Variants in CDCA4 observed in about 807,000 individuals in gnomAD.
CDCA4 encodes the protein cell division cycle-associated protein 4.
For missense variants in CDCA4, 294 were observed against 322.1 expected (o/e 0.91, Z 0.67); for synonymous variants, 130 against 137.0 (o/e 0.95, Z 0.36).
In CDCA4 at chr14:105,011,555, T is replaced by C; in HGVS notation, c.375A>G (p.Pro125=). Residue 125 remains proline, a synonymous_variant, in exon 2 of 2, where the codon CCA becomes CCG. Transcript: ENST00000336219. ...PGLGDGHTQG[P]VSDLCPVTSA... Reference sequence around the variant, plus strand: ...AGGTGACTGGGCAAAGGTCAGAAACTGGACCCTGTGTGTGGCCGTCCCCCA... The same window carrying C: ...AGGTGACTGGGCAAAGGTCAGAAACCGGACCCTGTGTGTGGCCGTCCCCCA... 2 of 1,614,092 alleles carry C rather than the reference T, an allele frequency of 1.2e-6. No homozygotes were observed. Among genetic ancestry groups the C allele is most frequent in the Non-Finnish European group, 1.7e-6 (2 of 1,179,994 alleles).
chr14:105,011,969 C>T (rs748028645), intron 1 of CDCA4, 34 bp from the exon 2 acceptor site: 16 of 1,563,306 alleles, frequency 1.0e-5, no homozygotes, highest in Admixed American at 8.9e-5. Flanking sequence ...ACTTAGCACA[C>T]GGCAGACTCT....
At chr14:105,012,071 T>G (rs111738285) in intron 1 of CDCA4, 136 bp from the exon 2 acceptor site, 1 of 1,001,448 alleles carries the variant, frequency 1.0e-6, no homozygotes, top group Non-Finnish European at 1.4e-6. Context: ...GACAGAGCTG[T>G]AACTCCCTAA....
intron 1 of CDCA4, among the ~76,000 whole-genome samples, chr14:105,019,743 G>T (rs374164629): frequency 6.6e-6 from 1 of 150,494 alleles, no homozygotes; most frequent in East Asian, 1.9e-4. Flanking sequence ...ACGGAGTCTC[G>T]CTCTGTCGCC....
intron 1 of CDCA4, among the ~76,000 whole-genome samples, chr14:105,016,251 AAC>A (rs1305625530): frequency 2.6e-5 from 4 of 152,284 alleles, no homozygotes; most frequent in East Asian, 1.9e-4. Flanking sequence ...CACTCAGAAA[AAC>A]ACAGTCACCA....
chr14:105,013,602 C>T (rs909324666), intron 1 of CDCA4, among the ~76,000 whole-genome samples: 17 of 152,086 alleles, frequency 1.1e-4, no homozygotes, highest in African/African-American at 1.2e-4. Flanking sequence ...TGTCTCTGCT[C>T]GGGGTCTGGA....
At chr14:105,015,703 C>T (rs987500889) in intron 1 of CDCA4, among the ~76,000 whole-genome samples, 1 of 152,166 alleles carries the variant, frequency 6.6e-6, no homozygotes, top group African/African-American at 2.4e-5. Flanking sequence ...GTTGTTGTGT[C>T]GCCCAGGCTG....
chr14:105,015,930 G>A (rs1365996451), intron 1 of CDCA4, among the ~76,000 whole-genome samples: 2 of 152,132 alleles, frequency 1.3e-5, no homozygotes, highest in Non-Finnish European at 2.9e-5. Flanking sequence ...AAAGTGCTGG[G>A]ACTACAGGCG....
intron 1 of CDCA4, among the ~76,000 whole-genome samples, chr14:105,019,751 G>A (rs1886178339): frequency 6.8e-6 from 1 of 148,006 alleles, no homozygotes; most frequent in Non-Finnish European, 1.5e-5. Flanking sequence ...TCGCTCTGTC[G>A]CCCAGGCTGG....
chr14:105,016,838 C>T (rs1439217923), intron 1 of CDCA4, among the ~76,000 whole-genome samples: 1 of 152,242 alleles, frequency 6.6e-6, no homozygotes, highest in Admixed American at 6.5e-5. Flanking sequence ...TGTGTGTCAA[C>T]AGTTCCCAAC....
At position 105,011,511 on chromosome 14, in the gene CDCA4, T is replaced by A. The variant is rs1450953741; in HGVS notation, c.419A>T (p.His140Leu). The A allele has an allele frequency of 6.2e-7, 1 of 1,614,034 alleles. No homozygotes were observed. The highest frequency in any genetic ancestry group is 8.5e-7 in the Non-Finnish European group (1 of 1,179,988). ...CPVTSAQAPRHLQSSAWEMDG... is the reference protein window; with the variant it reads ...CPVTSAQAPRLLQSSAWEMDG... ...CATCTCCCAGGCGCTGCTCTGCAGGTGCCTTGGTGCCTGTGCTGAGGTGAC... is the reference window on the plus strand; with the variant it reads ...CATCTCCCAGGCGCTGCTCTGCAGGAGCCTTGGTGCCTGTGCTGAGGTGAC... The change falls in exon 2 of 2, where the codon CAC becomes CTC. Residue 140 changes from histidine to leucine, a missense_variant. Physicochemically the swap from His to Leu is moderately conservative, Grantham distance 99. Transcript: ENST00000336219.
intron 1 of CDCA4, among the ~76,000 whole-genome samples, chr14:105,013,856 TG>T (rs1900572142): frequency 6.6e-6 from 1 of 152,208 alleles, no homozygotes; most frequent in African/African-American, 2.4e-5. Context: ...CCAATGTTCA[TG>T]CAAAAAACAT....
intron 1 of CDCA4, 97 bp downstream of exon 1, chr14:105,020,902 C>G (rs546977791): frequency 6.6e-6 from 1 of 152,048 alleles, no homozygotes; most frequent in East Asian, 1.9e-4. Context: ...CGCCAGGAGC[C>G]ACAGACTCCG....
chr14:105,012,884 C>T (rs1900544511), intron 1 of CDCA4, among the ~76,000 whole-genome samples: 2 of 151,762 alleles, frequency 1.3e-5, no homozygotes, highest in Admixed American at 1.3e-4. Context: ...CCTCCCCTCT[C>T]ATCTCAACTC....
rs373693056 is a variant in CDCA4 at position 105,011,319 on chromosome 14, G to A, written c.611C>T (p.Pro204Leu). Reference protein sequence around the residue: ...VLTGMMGGARPGPCEGLEGLA... With the variant: ...VLTGMMGGARLGPCEGLEGLA... ...GCCCTCGAGCCCTTCGCAGGGGCCC[G>A]GCCTGGCACCCCCCATCATGCCTGT... Residue 204 changes from proline to leucine, a missense_variant, in exon 2 of 2, where the codon CCG becomes CTG. By Grantham distance (98) the Pro-to-Leu change is moderately conservative (BLOSUM62 -3). Coordinates refer to ENST00000336219, the MANE Select transcript of CDCA4 (RefSeq NM_017955.4). 1.7e-5 allele frequency: 28 copies of A among 1,614,000 alleles called. No homozygotes were observed. In the African/African-American group the frequency reaches 2.5e-4, roughly 15 times the overall value.
rs1214282535 is a variant in CDCA4 at position 105,010,111 on chromosome 14, A to AC, written c.*1092dup. 6.6e-6 allele frequency: 1 copy of AC among 152,374 alleles called. No individual in the cohort carries two copies. Among genetic ancestry groups the AC allele is most frequent in the Non-Finnish European group, 1.5e-5 (1 of 68,012 alleles). The allele number at this position is 152,374 out of a possible 1,614,324, so 9.4% of individuals were successfully genotyped here. ...GGGGCAGGAGTGGAAGGCTGCAGGC[A>AC]CCCCCAGCTCACTCCCTGCCTGCGG... On this transcript the variant is annotated 3_prime_UTR_variant, in exon 2 of 2. Transcript: ENST00000336219.
intron 1 of CDCA4, among the ~76,000 whole-genome samples, chr14:105,019,179 C>T (rs1225643166): frequency 6.6e-6 from 1 of 152,136 alleles, no homozygotes; most frequent in Non-Finnish European, 1.5e-5. Flanking sequence ...ACCGACCAGA[C>T]AGAGAAAAAC....
intron 1 of CDCA4, among the ~76,000 whole-genome samples, chr14:105,020,193 G>A (rs1378833232): frequency 6.6e-6 from 1 of 152,198 alleles, no homozygotes; most frequent in Admixed American, 6.5e-5. Context: ...ATAAAACACG[G>A]TGACACTTGA....
intron 1 of CDCA4, among the ~76,000 whole-genome samples, chr14:105,020,242 A>T (rs755509849): frequency 1.3e-4 from 20 of 152,344 alleles, no homozygotes; most frequent in Admixed American, 6.5e-4. Flanking sequence ...ATAAAACGTA[A>T]GTTTTGTGAA....
intron 1 of CDCA4, among the ~76,000 whole-genome samples, chr14:105,013,384 A>G (rs1019306769): frequency 3.3e-5 from 5 of 152,232 alleles, no homozygotes; most frequent in African/African-American, 1.2e-4. Context: ...CAGGACAAGC[A>G]TCTCACGCAT....
Sources: gnomAD v4.1 joint callset for allele counts (sites outside exome capture counted in the v4.1 genomes callset) on GRCh38, gnomAD v4.1.1 for gene constraint, MANE v1.5 for transcripts, NCBI Gene and HGNC (gene_info 2026-07-23, HGNC 2026-07-21) for gene names.